The following RERE variants were observed in gnomAD, a reference collection of about 807,000 sequenced individuals.
RERE encodes arginine-glutamic acid dipeptide repeats protein.
A neutral mutation model predicts 146.1 loss-of-function variants in RERE; 40 were observed. The observed-to-expected ratio is 0.27, with a 90% CI of 0.21 to 0.36. RERE has a LOEUF of 0.36. Among genes scored for constraint, RERE ranks in the 10% least tolerant of loss-of-function variants. RERE has a pLI of 1.00. For missense variants in RERE, 1,933 were observed against 2,138.7 expected, an observed-to-expected ratio of 0.90 and a Z score of 1.90; for synonymous variants, 1,003 against 866.0, an observed-to-expected ratio of 1.16 and a Z score of -2.78.
chr1:8,574,262 G>A (rs1235583692), intron 4 of RERE, among the ~76,000 whole-genome samples: 1 of 150,548 alleles, frequency 6.6e-6, no homozygotes, highest in African/African-American at 2.4e-5. Context: ...TCCTAGCTTA[G>A]TAGCACTATG....
rs532692661 is a variant in RERE, at chr1:8,393,145, A to G, written c.1285-27171T>C. Among the ~76,000 whole-genome samples the G allele has an allele frequency of 3.5e-4, 54 of 152,322 alleles. No individual in the cohort carries two copies. The South Asian group carries it at 0.01, about 29-fold the overall frequency. ...GTTCCCAAAGACTCAACCTACCAAG[A>G]AGGAGGCTACTTTGCCAGAAACTGT... On this transcript the variant is annotated intron_variant, in intron 12 of 22. Transcript: ENST00000400908.
rs867263942 is a variant in RERE, at chr1:8,501,513, A to G, written c.880-3984T>C. Among the ~76,000 whole-genome samples the G allele has an allele frequency of 9.3e-3, 561 of 60,180 alleles. 13 individuals are homozygous for G. The highest frequency in any genetic ancestry group is 0.044 in the African/African-American group (485 of 11,142). 39.5% of individuals were successfully genotyped at this position (60,180 alleles called of 152,430 possible). A position where few individuals can be genotyped will look rare whatever the true frequency, so the allele number is the denominator to read the frequency against. ...CCCCGTCCGGGAGGGAGGTGGGGGG[A>G]TCAGCCCCCCGTCCGGGAGGTGAGG... On this transcript the variant is annotated intron_variant, in intron 8 of 22. Transcript: ENST00000400908.
At chr1:8,796,984 C>G (rs1209896188) in intron 1 of RERE, among the ~76,000 whole-genome samples, 4 of 152,122 alleles carry the variant, frequency 2.6e-5, no homozygotes, top group Non-Finnish European at 5.9e-5. Flanking sequence ...GGACCTACTA[C>G]TCTGTAATCA....
chr1:8,583,246 A>C (rs1467755847), intron 4 of RERE, among the ~76,000 whole-genome samples: 1 of 152,262 alleles, frequency 6.6e-6, no homozygotes, highest in African/African-American at 2.4e-5. Context: ...AAAACAGATT[A>C]GAGAGTCAAA....
At chr1:8,522,776 G>A (rs563347816) in intron 7 of RERE, among the ~76,000 whole-genome samples, 2 of 152,258 alleles carry the variant, frequency 1.3e-5, no homozygotes, top group South Asian at 2.1e-4. Context: ...AGGAGGCTGA[G>A]GCAGGCAAAT....
At chr1:8,662,682 A>G (rs752781671) in intron 1 of RERE, among the ~76,000 whole-genome samples, 4 of 152,094 alleles carry the variant, frequency 2.6e-5, no homozygotes, top group Non-Finnish European at 5.9e-5. Context: ...TAGGGAACAG[A>G]GTGAGACCCT....
chr1:8,376,327 C>T (rs1037350877), intron 12 of RERE, among the ~76,000 whole-genome samples: 6 of 152,304 alleles, frequency 3.9e-5, no homozygotes, highest in South Asian at 2.1e-4. Flanking sequence ...GGATGCCAGC[C>T]TTCCCAGCTC....
intron 1 of RERE, among the ~76,000 whole-genome samples, chr1:8,716,911 C>T (rs908582849): frequency 1.3e-5 from 2 of 152,104 alleles, no homozygotes; most frequent in Non-Finnish European, 2.9e-5. Context: ...GCAGGCTGTA[C>T]TACATTTTGC....
chr1:8,597,784 GA>G (rs1206868435), intron 4 of RERE, among the ~76,000 whole-genome samples: 1 of 43,756 alleles, frequency 2.3e-5, no homozygotes, highest in African/African-American at 1.2e-4. Context: ...CATTTCACTG[GA>G]TTTTTTTTTT....
chr1:8,419,385 G>A (rs1265952771), intron 12 of RERE, among the ~76,000 whole-genome samples: 1 of 152,206 alleles, frequency 6.6e-6, no homozygotes, highest in Admixed American at 6.5e-5. Context: ...AGCTAGGAAA[G>A]CTGTTTACGT....
At chr1:8,721,343 G>A (rs931507089) in intron 1 of RERE, among the ~76,000 whole-genome samples, 4 of 151,976 alleles carry the variant, frequency 2.6e-5, no homozygotes, top group African/African-American at 7.3e-5. Flanking sequence ...AAGGAGTCTC[G>A]CTCTGTTGCC....
At chr1:8,388,541 G>C (rs530332448) in intron 12 of RERE, among the ~76,000 whole-genome samples, 6 of 151,994 alleles carry the variant, frequency 3.9e-5, no homozygotes, top group Admixed American at 1.3e-4. Context: ...GGATGGTCTC[G>C]ATCTCCTGAC....
At chr1:8,512,012 CTCT>C (rs1645344273) in intron 7 of RERE, 10 of 57,368 alleles carry the variant, frequency 1.7e-4, no homozygotes, top group Non-Finnish European at 2.7e-4. Flanking sequence ...GTAGGAAACA[CTCT>C]TTTTTTTTTT....
intron 1 of RERE, among the ~76,000 whole-genome samples, chr1:8,809,862 T>C (rs1297699223): frequency 2.0e-5 from 3 of 152,150 alleles, no homozygotes; most frequent in Non-Finnish European, 4.4e-5. Context: ...ATACAAGACA[T>C]GAAGTGATCA....
At chr1:8,436,145 C>G (rs547979388) in intron 11 of RERE, among the ~76,000 whole-genome samples, 1 of 152,204 alleles carries the variant, frequency 6.6e-6, no homozygotes, top group East Asian at 1.9e-4. Context: ...ATGGTGAAAC[C>G]CCAACTCTAC....
chr1:8,364,972 G>A lies in RERE; in HGVS notation c.1448-134C>T. 1.5e-6 allele frequency: 1 copy of A among 678,634 alleles called. No individual in the cohort carries two copies. Among genetic ancestry groups the A allele is most frequent in the Non-Finnish European group, 2.6e-6 (1 of 380,304 alleles). The allele number at this position is 678,634 out of a possible 1,614,324, so 42.0% of individuals were successfully genotyped here. Reference sequence around the variant, plus strand: ...CTGCAGGTTCTGGCCACCAGTCAGAGCGGCTGGGTGCACAGGCTGAGGTAG... The same window carrying A: ...CTGCAGGTTCTGGCCACCAGTCAGAACGGCTGGGTGCACAGGCTGAGGTAG... On this transcript the variant is annotated intron_variant, in intron 13 of 22. Transcript: ENST00000400908. The surrounding 1 kb of genome is among the most constrained non-coding windows in gnomAD (Gnocchi z 5.1).
In RERE at chr1:8,449,241, CTGTT is replaced by C. The variant is rs769986501; in HGVS notation, c.1203+16680_1203+16683del. 1.5e-3 allele frequency among the ~76,000 whole-genome samples: 232 copies of C among 152,286 alleles called. 2 individuals are homozygous for C. The highest frequency in any genetic ancestry group is 3.0e-3 in the Non-Finnish European group (203 of 68,020). ...CACACATCAAGCTCCTTCATGTCTT[CTGTT>C]TGTTTGTTTTAGGCCCTCCAGCCTG... is the stretch of plus-strand genomic sequence containing the variant. On this transcript the variant is annotated intron_variant, in intron 11 of 22. Coordinates refer to ENST00000400908, the MANE Select transcript of RERE (RefSeq NM_001042681.2).
chr1:8,541,469 G>A (rs1167549347), intron 6 of RERE, 151 bp from the exon 7 acceptor site: 2 of 565,392 alleles, frequency 3.5e-6, no homozygotes, highest in Non-Finnish European at 6.3e-6. Flanking sequence ...CTATTCAGCT[G>A]TTTCATGACT....
intron 1 of RERE, among the ~76,000 whole-genome samples, chr1:8,795,182 T>C (rs932012292): frequency 1.3e-5 from 2 of 151,960 alleles, no homozygotes; most frequent in Non-Finnish European, 2.9e-5. Context: ...CCTGCCACCA[T>C]GCCAGGGTAA....
Sources: allele counts gnomAD v4.1 joint callset (sites outside exome capture counted in the v4.1 genomes callset), GRCh38; gene constraint gnomAD v4.1.1; non-coding constraint Gnocchi (gnomAD v3.1); transcripts MANE v1.5; gene names NCBI Gene and HGNC (gene_info 2026-07-23, HGNC 2026-07-21).